NRP1: variants seen among roughly 807,000 people sequenced by gnomAD.
NRP1 encodes neuropilin 1.
Under a neutral mutation model 106.7 loss-of-function variants are expected in NRP1, and 35 were observed. The observed-to-expected ratio is 0.33, with a 90% CI of 0.25 to 0.43. The LOEUF (loss-of-function observed/expected upper bound fraction) is 0.43, where lower values mean the gene tolerates loss of function less well. Ranked by LOEUF, NRP1 falls within the 20% of genes least tolerant of loss-of-function variation. NRP1 has a pLI of 1.00. For synonymous variants in NRP1, 437 were observed against 417.9 expected, an observed-to-expected ratio of 1.05 and a Z score of -0.56; for missense variants, 1,024 against 1,170.4, an observed-to-expected ratio of 0.87 and a Z score of 1.83.
intron 13 of NRP1, 73 bp from the exon 14 acceptor site, chr10:33,186,561 T>G: frequency 6.6e-7 from 1 of 1,514,960 alleles, no homozygotes; most frequent in Non-Finnish European, 8.9e-7. Context: ...CTTTCAAGTC[T>G]CACTAATCAA....
chr10:33,220,249 A>T (rs1839121765), intron 8 of NRP1, among the ~76,000 whole-genome samples: 1 of 152,196 alleles, frequency 6.6e-6, no homozygotes, highest in African/African-American at 2.4e-5. Flanking sequence ...GAATATTGCC[A>T]AAGTGATTTT....
At chr10:33,330,570 G>A in intron 2 of NRP1, 138 bp downstream of exon 2, 2 of 593,722 alleles carry the variant, frequency 3.4e-6, no homozygotes, top group Non-Finnish European at 5.3e-6. Context: ...CCATACCATT[G>A]ACATATAATC....
At chr10:33,229,180 A>C (rs968455026) in intron 6 of NRP1, among the ~76,000 whole-genome samples, 1 of 152,204 alleles carries the variant, frequency 6.6e-6, no homozygotes, top group Non-Finnish European at 1.5e-5. Flanking sequence ...TGCTTACATA[A>C]AATTCAAATT....
rs61760434 is a variant in NRP1, at chr10:33,180,451, G to A, written c.2483-86C>T. 392 of 1,352,544 alleles carry A rather than the reference G, an allele frequency of 2.9e-4. 1 individual carries two copies. In the African/African-American group the frequency reaches 5.4e-3, roughly 19 times the overall value. The allele number at this position is 1,352,544 out of a possible 1,614,324, so 83.8% of individuals were successfully genotyped here. A position where few individuals can be genotyped will look rare whatever the true frequency, so the allele number is the denominator to read the frequency against. On this transcript the variant is annotated intron_variant, in intron 16 of 16. Coordinates refer to ENST00000374867, the MANE Select transcript of NRP1 (RefSeq NM_003873.7). ...AGAAAAATAGAAAGGAACGAAACAG[G>A]AGCAAATCACACACCCCAGTTTTGC...
intron 6 of NRP1, among the ~76,000 whole-genome samples, chr10:33,236,012 C>T (rs1195911903): frequency 2.6e-5 from 4 of 152,158 alleles, no homozygotes; most frequent in African/African-American, 9.7e-5. Flanking sequence ...TGCAAAGAGA[C>T]TTAGGAGTTC....
At chr10:33,319,575 T>TCTTC in intron 2 of NRP1, among the ~76,000 whole-genome samples, 1 of 141,712 alleles carries the variant, frequency 7.1e-6, no homozygotes, top group African/African-American at 2.7e-5. Context: ...TTTTTTTCTT[T>TCTTC]CTTTCTTTCT....
intron 9 of NRP1, chr10:33,211,334 ATT>A (rs1318360056): frequency 2.6e-5 from 4 of 152,214 alleles, no homozygotes; most frequent in Non-Finnish European, 4.4e-5. Flanking sequence ...GAAGTTGTTG[ATT>A]TGCAGCATAT....
In NRP1 at chr10:33,207,552, A is replaced by G; in HGVS notation, c.1759+20T>C. ...GAAATTTAAAAACGCATGAGAAGTAACTCTGGAGATCATAATTACCTTCCA... is the reference window on the plus strand; with the variant it reads ...GAAATTTAAAAACGCATGAGAAGTAGCTCTGGAGATCATAATTACCTTCCA... On this transcript the variant is annotated intron_variant, in intron 10 of 16. Coordinates refer to ENST00000374867, the MANE Select transcript of NRP1 (RefSeq NM_003873.7). 1 of 1,613,222 alleles carries G rather than the reference A, an allele frequency of 6.2e-7. No homozygotes were observed. Among genetic ancestry groups the G allele is most frequent in the Non-Finnish European group, 8.5e-7 (1 of 1,179,668 alleles).
At chr10:33,281,975 C>T (rs1844167400) in intron 2 of NRP1, among the ~76,000 whole-genome samples, 1 of 152,166 alleles carries the variant, frequency 6.6e-6, no homozygotes, top group Admixed American at 6.5e-5. Context: ...TAGAAGATAA[C>T]CAACTCTCAG....
At chr10:33,275,462 G>T (rs1843617631) in intron 2 of NRP1, among the ~76,000 whole-genome samples, 1 of 152,134 alleles carries the variant, frequency 6.6e-6, no homozygotes, top group African/African-American at 2.4e-5. Flanking sequence ...CAGCTACTCG[G>T]GAGGCTGAGG....
chr10:33,254,527 T>A (rs1007333927), intron 5 of NRP1, among the ~76,000 whole-genome samples: 5 of 152,226 alleles, frequency 3.3e-5, no homozygotes, highest in Non-Finnish European at 7.3e-5. Context: ...ACCTGTCATA[T>A]GGGTACACAC....
chr10:33,300,099 C>T (rs1845697471), intron 2 of NRP1, among the ~76,000 whole-genome samples: 2 of 152,316 alleles, frequency 1.3e-5, no homozygotes, highest in Admixed American at 1.3e-4. Context: ...TATTCCTGTA[C>T]AACCTGCTCC....
intron 2 of NRP1, among the ~76,000 whole-genome samples, chr10:33,322,412 C>T (rs1324375267): frequency 6.6e-6 from 1 of 152,136 alleles, no homozygotes; most frequent in Non-Finnish European, 1.5e-5. Context: ...GAGTCTCGCT[C>T]TATTGCCGAA....
At chr10:33,218,220 T>C (rs1243427756) in intron 8 of NRP1, among the ~76,000 whole-genome samples, 1 of 152,236 alleles carries the variant, frequency 6.6e-6, no homozygotes, top group Non-Finnish European at 1.5e-5. Flanking sequence ...GTCAAAATAA[T>C]GAAAATGCCC....
chr10:33,186,463 T>C lies in NRP1; in HGVS notation c.2088A>G (p.Gln696=), dbSNP rs144063412. 141 of 1,613,256 alleles carry C rather than the reference T, an allele frequency of 8.7e-5. No homozygotes were observed. The African/African-American group carries it at 1.5e-3, about 18-fold the overall frequency. The change falls in exon 14 of 17, where the codon CAA becomes CAG. Residue 696 remains glutamine, a synonymous_variant. Transcript: ENST00000374867. Reference sequence around the variant, plus strand: ...CTTTGCCCTTCTGATTTTCGTCAGCTTGGGAATAGATGAAGTTGCCATCTC... The same window carrying C: ...CTTTGCCCTTCTGATTTTCGTCAGCCTGGGAATAGATGAAGTTGCCATCTC... ...HTGDGNFIYS[Q]ADENQKGKVA...
At chr10:33,253,704 G>C (rs1465560520) in intron 6 of NRP1, among the ~76,000 whole-genome samples, 1 of 152,224 alleles carries the variant, frequency 6.6e-6, no homozygotes, top group African/African-American at 2.4e-5. Context: ...GGAAAAATCA[G>C]ATCTTGGAGC....
chr10:33,293,074 A>G (rs1214070041), intron 2 of NRP1, among the ~76,000 whole-genome samples: 1 of 152,146 alleles, frequency 6.6e-6, no homozygotes, highest in African/African-American at 2.4e-5. Flanking sequence ...CTTCAAGAAA[A>G]TTTTAGAAGA....
At chr10:33,291,794 T>C (rs1349254981) in intron 2 of NRP1, among the ~76,000 whole-genome samples, 2 of 152,206 alleles carry the variant, frequency 1.3e-5, no homozygotes, top group Non-Finnish European at 2.9e-5. Context: ...GAAAATAAAC[T>C]AGAAAATTGT....
rs1835500715 is a variant in NRP1, at chr10:33,178,539, C to G, written c.*1537G>C. 6.6e-6 allele frequency: 1 copy of G among 152,196 alleles called. No homozygotes were observed. The highest frequency in any genetic ancestry group is 2.4e-5 in the African/African-American group (1 of 41,442). The allele number at this position is 152,196 out of a possible 1,614,324, so 9.4% of individuals were successfully genotyped here. ...CTTAAAATACTTGACCCCCAGGCAT[C>G]AGGATTTATAGTTTCATTCTTAAAT... is the stretch of plus-strand genomic sequence containing the variant. On this transcript the variant is annotated 3_prime_UTR_variant, in exon 17 of 17. Coordinates refer to ENST00000374867, the MANE Select transcript of NRP1 (RefSeq NM_003873.7).
Sources: allele counts gnomAD v4.1 joint callset (sites outside exome capture counted in the v4.1 genomes callset), GRCh38; gene constraint gnomAD v4.1.1; transcripts MANE v1.5; gene names NCBI Gene and HGNC (gene_info 2026-07-23, HGNC 2026-07-21).